The following PRELID2 variants were observed in gnomAD, a reference collection of about 807,000 sequenced individuals.
The protein encoded by PRELID2 is PRELI domain containing 2.
Under a neutral mutation model 28.4 loss-of-function variants are expected in PRELID2, and 25 were observed. The ratio of observed to expected loss-of-function variants is 0.88; its 90% CI spans 0.64 to 1.23. The LOEUF (loss-of-function observed/expected upper bound fraction) is 1.23. Ranked by LOEUF, PRELID2 falls within the 50% of genes most tolerant of loss-of-function variation. The pLI, the probability that PRELID2 is intolerant of heterozygous loss-of-function variation, is 0.00. For synonymous variants in PRELID2, 76 were observed against 71.6 expected (o/e 1.06, Z -0.31); for missense variants, 201 against 214.4 (o/e 0.94, Z 0.39).
At chr5:145,808,379 G>A (rs1436164446) in intron 4 of PRELID2, among the ~76,000 whole-genome samples, 4 of 151,984 alleles carry the variant, frequency 2.6e-5, no homozygotes, top group Non-Finnish European at 5.9e-5. Flanking sequence ...CTAGAGCAGG[G>A]TGAAAAAATG....
the PRELID2 span, among the ~76,000 whole-genome samples, chr5:145,463,650 G>T: frequency 6.6e-6 from 1 of 152,094 alleles, no homozygotes; most frequent in Non-Finnish European, 1.5e-5. Context: ...CCCATTCTGG[G>T]CATGAAACTG....
rs1239094684 is a variant in PRELID2 at position 145,741,968 on chromosome 5, A to T, written n.70+22963T>A. 9.6e-3 allele frequency among the ~76,000 whole-genome samples: 566 copies of T among 59,204 alleles called. 2 individuals are homozygous for T. Among genetic ancestry groups the T allele is most frequent in the African/African-American group, 0.015 (258 of 17,790 alleles). The allele number at this position is 59,204 out of a possible 152,430, so 38.8% of individuals were successfully genotyped here. On this transcript the variant is annotated intron_variant and non_coding_transcript_variant, in intron 1 of 2. Transcript: ENST00000510259. The stretch of plus-strand genomic sequence containing the variant: ...ATAAATTTATTATAATTAAATAAAT[A>T]AATTTATTTAATTATAATAAATTTA...
chr5:145,790,700 A>ATT (rs1424135345), intron 5 of PRELID2, among the ~76,000 whole-genome samples: 8 of 25,006 alleles, frequency 3.2e-4, no homozygotes, highest in Non-Finnish European at 8.5e-4. Context: ...ATAATTCCAC[A>ATT]TTGTGTGTGT....
At chr5:145,761,210 A>G (rs915557817) in intron 6 of PRELID2, among the ~76,000 whole-genome samples, 2 of 152,362 alleles carry the variant, frequency 1.3e-5, no homozygotes, top group African/African-American at 4.8e-5. Context: ...AGTATTAAAA[A>G]TTGCAAAATT....
In PRELID2 at chr5:145,534,257, G is replaced by A. The variant is rs114207339; in HGVS notation, n.71-60942C>T. Among the ~76,000 whole-genome samples, 1,327 of 151,922 alleles carry A rather than the reference G, an allele frequency of 8.7e-3. 21 individuals carry two copies. The highest frequency in any genetic ancestry group is 0.028 in the African/African-American group (1,144 of 41,466). Reference sequence around the variant, plus strand: ...AAGCATTTTTTATATTGTGTTCTACGGTGCACAAGTATCTTTTCTTCAACA... The same window carrying A: ...AAGCATTTTTTATATTGTGTTCTACAGTGCACAAGTATCTTTTCTTCAACA... On this transcript the variant is annotated intron_variant and non_coding_transcript_variant, in intron 1 of 2. Coordinates refer to the PRELID2 transcript ENST00000510259.
At chr5:145,462,767 A>G in the PRELID2 span, among the ~76,000 whole-genome samples, 38 of 152,164 alleles carry the variant, frequency 2.5e-4, no homozygotes, top group Non-Finnish European at 5.3e-4. Flanking sequence ...ACCGAAGGCG[A>G]CACTCTCCAT....
At chr5:145,548,687 T>C (rs1380115732) in intron 1 of PRELID2, among the ~76,000 whole-genome samples, 5 of 152,102 alleles carry the variant, frequency 3.3e-5, no homozygotes, top group African/African-American at 9.7e-5. Flanking sequence ...TCACTATCTC[T>C]CCCCTAGATG....
At chr5:145,240,985 T>C in the PRELID2 span, among the ~76,000 whole-genome samples, 1 of 151,910 alleles carries the variant, frequency 6.6e-6, no homozygotes, top group Non-Finnish European at 1.5e-5. Context: ...CTCAAACAGG[T>C]TAAAGAGCTT....
chr5:145,498,471 A>G (rs750370408), intron 1 of PRELID2, among the ~76,000 whole-genome samples: 4 of 152,058 alleles, frequency 2.6e-5, no homozygotes, highest in Non-Finnish European at 5.9e-5. Flanking sequence ...TCCAGTTTGG[A>G]CAATGCAGTG....
the PRELID2 span, among the ~76,000 whole-genome samples, chr5:145,372,874 AATATATATG>A: frequency 1.9e-5 from 2 of 103,996 alleles, no homozygotes; most frequent in African/African-American, 6.8e-5. Flanking sequence ...ATTAATATAT[AATATATATG>A]ATATTATATA....
At chr5:145,805,375 T>G (rs55649517) in intron 4 of PRELID2, among the ~76,000 whole-genome samples, 3,742 of 152,272 alleles carry the variant, frequency 0.025, 71 homozygotes, top group Middle Eastern at 0.068. Context: ...AAAAATGAAG[T>G]TCCAAAAGGG....
chr5:145,323,914 G>T, the PRELID2 span, among the ~76,000 whole-genome samples: 1 of 152,116 alleles, frequency 6.6e-6, no homozygotes, highest in Non-Finnish European at 1.5e-5. Flanking sequence ...GAATAGTGCT[G>T]TCATGAACAT....
intron 1 of PRELID2, among the ~76,000 whole-genome samples, chr5:145,640,353 G>A (rs1387649368): frequency 2.6e-5 from 4 of 151,984 alleles, no homozygotes; most frequent in Admixed American, 2.6e-4. Flanking sequence ...GCGGGCGCCT[G>A]TAGTCCCAGC....
chr5:145,765,860 A>G (rs1450393339), intron 5 of PRELID2, among the ~76,000 whole-genome samples: 1 of 152,216 alleles, frequency 6.6e-6, no homozygotes, highest in Non-Finnish European at 1.5e-5. Context: ...TGACGAGGAA[A>G]CAGAAACTCA....
chr5:145,374,388 G>A, the PRELID2 span, among the ~76,000 whole-genome samples: 4 of 152,126 alleles, frequency 2.6e-5, no homozygotes, highest in South Asian at 6.2e-4. Context: ...AGGTGACCTG[G>A]CCTTTCACTC....
At chr5:145,829,711 C>T (rs78065542) in intron 1 of PRELID2, among the ~76,000 whole-genome samples, 2 of 152,144 alleles carry the variant, frequency 1.3e-5, no homozygotes, top group South Asian at 2.1e-4. Context: ...TTCTCCTTTA[C>T]ATCATGCCTA....
chr5:145,389,869 A>G, the PRELID2 span, among the ~76,000 whole-genome samples: 1 of 152,236 alleles, frequency 6.6e-6, no homozygotes, highest in Non-Finnish European at 1.5e-5. Flanking sequence ...AAAAATTTAT[A>G]TCAGACCAAA....
chr5:145,473,101 G>T (rs1185590097), intron 2 of PRELID2: 1 of 152,112 alleles, frequency 6.6e-6, no homozygotes, highest in Non-Finnish European at 1.5e-5. Context: ...GTATAACATG[G>T]ACTTGGTATT....
intron 1 of PRELID2, among the ~76,000 whole-genome samples, chr5:145,500,054 C>T (rs775852826): frequency 1.3e-5 from 2 of 152,152 alleles, no homozygotes; most frequent in Non-Finnish European, 2.9e-5. Flanking sequence ...AATTATTCTG[C>T]CCTTGCTGTT....
Sources: allele counts gnomAD v4.1 joint callset (sites outside exome capture counted in the v4.1 genomes callset), GRCh38; gene constraint gnomAD v4.1.1; transcripts MANE v1.5; gene names NCBI Gene and HGNC (gene_info 2026-07-23, HGNC 2026-07-21).